MSN: variants seen among roughly 807,000 people sequenced by gnomAD.
MSN encodes the protein epididymis luminal protein 70.
A neutral mutation model predicts 48.0 loss-of-function variants in MSN; 2 were observed. The ratio of observed to expected loss-of-function variants is 0.04; its 90% CI spans 0.02 to 0.13. The LOEUF (loss-of-function observed/expected upper bound fraction) is 0.13, where lower values mean the gene tolerates loss of function less well. Ranked by LOEUF, MSN falls within the 10% of genes least tolerant of loss-of-function variation. MSN has a pLI of 1.00. For missense variants in MSN, 267 were observed against 470.1 expected, an observed-to-expected ratio of 0.57 and a Z score of 3.99; for synonymous variants, 146 against 166.9, an observed-to-expected ratio of 0.87 and a Z score of 0.97.
chrX:65,733,654 A>G (rs1417034905), intron 7 of MSN, among the ~76,000 whole-genome samples: 1 of 111,771 alleles, frequency 8.9e-6, no homozygotes, highest in Non-Finnish European at 1.9e-5. Flanking sequence ...CACTGTTCAC[A>G]TATTTGATTC....
At chrX:65,616,967 T>C (rs2070379193) in intron 1 of MSN, among the ~76,000 whole-genome samples, 1 of 110,433 alleles carries the variant, frequency 9.1e-6, no homozygotes, top group Non-Finnish European at 1.9e-5. Context: ...GAGATAATCA[T>C]GTGGTTTTTG....
At chrX:65,661,564 G>T (rs1462358066) in intron 1 of MSN, among the ~76,000 whole-genome samples, 3 of 112,077 alleles carry the variant, frequency 2.7e-5, no homozygotes, top group African/African-American at 9.7e-5. Context: ...ATATTGGCCT[G>T]AAGTTTTCTT....
intron 1 of MSN, among the ~76,000 whole-genome samples, chrX:65,688,909 C>T: frequency 8.9e-6 from 1 of 111,846 alleles, no homozygotes; most frequent in Non-Finnish European, 1.9e-5. Context: ...TTGCCATGCT[C>T]CTGGACATAT....
At chrX:65,704,963 A>G (rs2071346745) in intron 1 of MSN, among the ~76,000 whole-genome samples, 1 of 110,084 alleles carries the variant, frequency 9.1e-6, no homozygotes. Flanking sequence ...GAGAAACAGG[A>G]TGTCACCATA....
At chrX:65,601,517 C>T (rs1251615806) in intron 1 of MSN, among the ~76,000 whole-genome samples, 3 of 112,771 alleles carry the variant, frequency 2.7e-5, no homozygotes, top group Non-Finnish European at 3.7e-5. Context: ...AGTGGGACAG[C>T]GTGTCCAGCC....
chrX:65,738,763 G>A lies in MSN; in HGVS notation c.1344+146G>A, dbSNP rs1184076063. 22 of 627,386 alleles carry A rather than the reference G, an allele frequency of 3.5e-5. 1 individual carries two copies. The highest frequency in any genetic ancestry group is 6.4e-4 in the Middle Eastern group (2 of 3,118). The allele number at this position is 627,386 out of a possible 1,213,427, so 51.7% of individuals were successfully genotyped here. ...CATGGGAGAAGGCACTCATGGTTTC[G>A]TCAAATACTTACTGGAGTTCTCTAA... On this transcript the variant is annotated intron_variant, in intron 11 of 12. Transcript: ENST00000360270.
chrX:65,671,957 TCCC>T (rs1189669240), intron 1 of MSN, among the ~76,000 whole-genome samples: 1 of 112,255 alleles, frequency 8.9e-6, no homozygotes, highest in Non-Finnish European at 1.9e-5. Flanking sequence ...TACCTCCTCC[TCCC>T]ATGAAACTAC....
In MSN at chrX:65,709,547, G is replaced by A. The variant is rs183766976; in HGVS notation, c.13-7271G>A. Reference sequence around the variant, plus strand: ...TTTACCAGGGTGATCCTCTACGAGGGAGGAAGCATGGCCAACCCTAGCCTC... The same window carrying A: ...TTTACCAGGGTGATCCTCTACGAGGAAGGAAGCATGGCCAACCCTAGCCTC... On this transcript the variant is annotated intron_variant, in intron 1 of 12. Coordinates refer to ENST00000360270, the MANE Select transcript of MSN (RefSeq NM_002444.3). 5.1e-4 allele frequency among the ~76,000 whole-genome samples: 57 copies of A among 112,200 alleles called. 1 individual carries two copies. The highest frequency in any genetic ancestry group is 7.9e-4 in the Non-Finnish European group (42 of 53,221).
chrX:65,689,040 A>C (rs774636821), intron 1 of MSN, among the ~76,000 whole-genome samples: 1 of 111,560 alleles, frequency 9.0e-6, no homozygotes, highest in African/African-American at 3.3e-5. Context: ...TGAGAGGAAG[A>C]GGTATTGGAG....
intron 1 of MSN, among the ~76,000 whole-genome samples, chrX:65,707,821 A>G (rs1057218821): frequency 4.5e-5 from 5 of 111,702 alleles, no homozygotes; most frequent in Non-Finnish European, 7.5e-5. Context: ...GATTAATCTA[A>G]GAGAGAACAA....
intron 1 of MSN, among the ~76,000 whole-genome samples, chrX:65,628,517 C>T (rs907114818): frequency 1.8e-5 from 2 of 111,183 alleles, no homozygotes; most frequent in African/African-American, 3.3e-5. Flanking sequence ...GCTCAGGGAC[C>T]CTGGGGCTGG....
intron 1 of MSN, among the ~76,000 whole-genome samples, chrX:65,611,917 G>C (rs766031512): frequency 2.1e-4 from 24 of 112,162 alleles, no homozygotes; most frequent in African/African-American, 7.8e-4. Flanking sequence ...TTGTGAAGTG[G>C]TAGCTCATTG....
At chrX:65,687,712 A>G (rs2071128853) in intron 1 of MSN, among the ~76,000 whole-genome samples, 1 of 111,843 alleles carries the variant, frequency 8.9e-6, no homozygotes, top group Non-Finnish European at 1.9e-5. Flanking sequence ...CAGCATATTT[A>G]TGAGAATCGG....
Position 65,612,855 on chromosome X carries a change from T to G in MSN, c.-22+24243T>G, listed in dbSNP as rs181405581. On this transcript the variant is annotated intron_variant, in intron 1 of 3. Coordinates refer to the MSN transcript ENST00000609672. ...AGCCACTGCACCCGAACCATGGTGT[T>G]TTTTTTTTTTGGGGGGGGGTACGAT... Among the ~76,000 whole-genome samples, 59 of 105,130 alleles carry G rather than the reference T, an allele frequency of 5.6e-4. 1 individual carries two copies. In the East Asian group the frequency reaches 0.016, roughly 29 times the overall value. The allele number at this position is 105,130 out of a possible 115,157, so 91.3% of individuals were successfully genotyped here. A position where few individuals can be genotyped will look rare whatever the true frequency, so the allele number is the denominator to read the frequency against.
At chrX:65,694,671 C>T (rs1031059570) in intron 1 of MSN, among the ~76,000 whole-genome samples, 2 of 112,348 alleles carry the variant, frequency 1.8e-5, no homozygotes, top group Non-Finnish European at 3.8e-5. Flanking sequence ...ACTGATACTT[C>T]AAACAGTGAT....
chrX:65,597,298 C>G (rs908846961), intron 1 of MSN, among the ~76,000 whole-genome samples: 1 of 109,353 alleles, frequency 9.1e-6, no homozygotes, highest in African/African-American at 3.3e-5. Context: ...ATCCTCCCAC[C>G]TCGGCCTCCC....
chrX:65,628,067 G>A (rs1424665519), intron 1 of MSN, among the ~76,000 whole-genome samples: 1 of 112,458 alleles, frequency 8.9e-6, no homozygotes, highest in Non-Finnish European at 1.9e-5. Context: ...GGCTTTGCAG[G>A]GTACAGCCTC....
At chrX:65,692,259 C>T (rs923926979) in intron 1 of MSN, among the ~76,000 whole-genome samples, 5 of 112,573 alleles carry the variant, frequency 4.4e-5, no homozygotes, top group Non-Finnish European at 9.4e-5. Context: ...TACTTTATGG[C>T]TCAGCCCCTG....
rs1014570523 is a variant in MSN at position 65,727,858 on chromosome X, G to T, written c.141G>T (p.Leu47=). ...TGAGGGAAGTTTGGTTCTTTGGTCT[G>T]CAGTACCAGGACACTAAAGGTTTCT... ...IGLREVWFFG[L]QYQDTKGFST... is the part of the protein sequence containing the mutation. Residue 47 remains leucine, a synonymous_variant, in exon 3 of 13, where the codon CTG becomes CTT. Coordinates refer to ENST00000360270, the MANE Select transcript of MSN (RefSeq NM_002444.3). 1 of 1,211,136 alleles carries T rather than the reference G, an allele frequency of 8.3e-7. No homozygotes were observed. The highest frequency in any genetic ancestry group is 1.1e-6 in the Non-Finnish European group (1 of 895,022).
Sources: gnomAD v4.1 joint callset for allele counts (sites outside exome capture counted in the v4.1 genomes callset) on GRCh38, gnomAD v4.1.1 for gene constraint, MANE v1.5 for transcripts, NCBI Gene and HGNC (gene_info 2026-07-23, HGNC 2026-07-21) for gene names.